Variants in PCNX1 observed in about 807,000 individuals in gnomAD.
PCNX1 encodes pecanex 1, also known as pecanex-like protein 1.
PCNX1 carries 78 observed loss-of-function variants against 242.2 expected under a neutral mutation model. The observed-to-expected ratio is 0.32, with a 90% CI of 0.27 to 0.39. The LOEUF (loss-of-function observed/expected upper bound fraction) is 0.39, where lower values mean the gene tolerates loss of function less well. Ranked by LOEUF, PCNX1 falls within the 10% of genes least tolerant of loss-of-function variation. The probability of loss-of-function intolerance (pLI) is 1.00; values close to 1 mark genes in which losing one functional copy is unlikely to be tolerated. For synonymous variants in PCNX1, 1,024 were observed against 1,032.9 expected (o/e 0.99, Z 0.17); for missense variants, 2,581 against 2,856.5 (o/e 0.90, Z 2.20).
rs1480160278 is a variant in PCNX1, at chr14:71,050,644, T to C, written c.4339-8T>C. 4 of 1,564,066 alleles carry C rather than the reference T, an allele frequency of 2.6e-6. No homozygotes were observed. The highest frequency in any genetic ancestry group is 2.6e-6 in the Non-Finnish European group (3 of 1,157,328). The stretch of plus-strand genomic sequence containing the variant: ...TTTTTACTGACAGCCATTCTTTTCC[T>C]CCTGCAGCTTTGGGAACTACTTTAT... On this transcript the variant is annotated splice_region_variant and splice_polypyrimidine_tract_variant and intron_variant, in intron 22 of 35. Coordinates refer to ENST00000304743, the MANE Select transcript of PCNX1 (RefSeq NM_014982.3).
rs759443723 is a variant in PCNX1 at position 71,009,625 on chromosome 14, A to G, written c.2630-9A>G. 2 of 1,479,210 alleles carry G rather than the reference A, an allele frequency of 1.4e-6. No individual in the cohort carries two copies. The highest frequency in any genetic ancestry group is 1.9e-5 in the Admixed American group (1 of 53,880). 91.6% of individuals were successfully genotyped at this position (1,479,210 alleles called of 1,614,324 possible). ...TAATGGCTTTTTAAAATAATCATTTATTTGCTAGGTAAGTTCTCTTCTACG... is the reference window on the plus strand; with the variant it reads ...TAATGGCTTTTTAAAATAATCATTTGTTTGCTAGGTAAGTTCTCTTCTACG... On this transcript the variant is annotated splice_polypyrimidine_tract_variant and intron_variant, in intron 8 of 35. Coordinates refer to ENST00000304743, the MANE Select transcript of PCNX1 (RefSeq NM_014982.3).
chr14:70,955,151 T>C (rs1477274742), intron 2 of PCNX1, among the ~76,000 whole-genome samples: 2 of 152,242 alleles, frequency 1.3e-5, no homozygotes, highest in Non-Finnish European at 2.9e-5. Flanking sequence ...ATTTTTTTTA[T>C]ATTTCTAATG....
At chr14:71,061,256 T>C (rs2061318649) in intron 26 of PCNX1, among the ~76,000 whole-genome samples, 1 of 152,182 alleles carries the variant, frequency 6.6e-6, no homozygotes, top group African/African-American at 2.4e-5. Context: ...CCTTCAAGCT[T>C]ATCACTAAGC....
intron 15 of PCNX1, among the ~76,000 whole-genome samples, chr14:71,027,794 G>A (rs2060277361): frequency 6.6e-6 from 1 of 151,868 alleles, no homozygotes; most frequent in Non-Finnish European, 1.5e-5. Context: ...TATGAATTAA[G>A]ACAGAACTGG....
At chr14:70,998,274 G>A (rs773574748) in intron 8 of PCNX1, among the ~76,000 whole-genome samples, 4 of 151,692 alleles carry the variant, frequency 2.6e-5, no homozygotes, top group Non-Finnish European at 4.4e-5. Flanking sequence ...TATTTCTCTG[G>A]CATTTTAAGG....
At chr14:71,106,207 C>T (rs1044332645) in intron 33 of PCNX1, among the ~76,000 whole-genome samples, 6 of 151,468 alleles carry the variant, frequency 4.0e-5, no homozygotes, top group Admixed American at 2.6e-4. Flanking sequence ...TTCGTAGAGA[C>T]GAGGTTTCAA....
At chr14:70,956,236 A>G (rs1039841070) in intron 2 of PCNX1, among the ~76,000 whole-genome samples, 1 of 152,142 alleles carries the variant, frequency 6.6e-6, no homozygotes, top group African/African-American at 2.4e-5. Context: ...GGTGTAAGGC[A>G]GTATGTTTTC....
rs2062709632 is a variant in PCNX1, at chr14:71,109,447, T to C, written c.6745-5T>C. The C allele has an allele frequency of 6.2e-7, 1 of 1,608,232 alleles. No individual in the cohort carries two copies. The highest frequency in any genetic ancestry group is 8.5e-7 in the Non-Finnish European group (1 of 1,177,072). ...GAATTGGAAATGTTTTTATTTACCA[T>C]GTAGATTGTGGATCCCAGTCAAATT... On this transcript the variant is annotated splice_polypyrimidine_tract_variant and splice_region_variant and intron_variant, in intron 34 of 35. Transcript: ENST00000304743.
Position 71,109,783 on chromosome 14 carries a change from C to A in PCNX1, c.6886-12C>A. 6.2e-7 allele frequency: 1 copy of A among 1,612,882 alleles called. No homozygotes were observed. Among genetic ancestry groups the A allele is most frequent in the Non-Finnish European group, 8.5e-7 (1 of 1,178,982 alleles). On this transcript the variant is annotated splice_polypyrimidine_tract_variant and intron_variant, in intron 35 of 35. Coordinates refer to ENST00000304743, the MANE Select transcript of PCNX1 (RefSeq NM_014982.3). ...TCCAGTGCTAACTTCTTGTTTTATT[C>A]TGAATCATTAGGTGATTCACCGATG...
chr14:70,979,113 T>C (rs574440493), intron 6 of PCNX1, among the ~76,000 whole-genome samples: 2 of 152,194 alleles, frequency 1.3e-5, no homozygotes, highest in Non-Finnish European at 2.9e-5. Flanking sequence ...TAGATCTGAT[T>C]ATGTACATTG....
intron 35 of PCNX1, 64 bp downstream of exon 35, chr14:71,109,656 T>G: frequency 6.3e-7 from 1 of 1,596,736 alleles, no homozygotes; most frequent in South Asian, 1.1e-5. Flanking sequence ...CTCACTTGGA[T>G]GCATGGTTTT....
intron 1 of PCNX1, among the ~76,000 whole-genome samples, chr14:70,933,727 T>C (rs2056891091): frequency 6.6e-6 from 1 of 152,186 alleles, no homozygotes; most frequent in Admixed American, 6.5e-5. Flanking sequence ...AGAAGAATAA[T>C]AGAGCCATGA....
At chr14:70,932,246 A>G (rs779891896) in intron 1 of PCNX1, among the ~76,000 whole-genome samples, 1 of 152,256 alleles carries the variant, frequency 6.6e-6, no homozygotes. Flanking sequence ...CATATAAGGC[A>G]GCAAAGGACA....
chr14:71,062,236 G>A (rs2061342979), intron 26 of PCNX1, among the ~76,000 whole-genome samples: 1 of 152,154 alleles, frequency 6.6e-6, no homozygotes, highest in Admixed American at 6.6e-5. Context: ...TGTCATAGGA[G>A]ATGGCAGCTC....
rs781088581 is a variant in PCNX1 at position 70,978,005 on chromosome 14, C to G, written c.1668C>G (p.Ala556=). 1 of 1,614,088 alleles carries G rather than the reference C, an allele frequency of 6.2e-7. No individual in the cohort carries two copies. Among genetic ancestry groups the G allele is most frequent in the Non-Finnish European group, 8.5e-7 (1 of 1,180,012 alleles). The part of the protein sequence containing the change: ...SSSVIHRTAS[A]HKSGRRRTGK... ...GCGTAATCCATCGGACAGCTTCTGC[C>G]CACAAGTCAGGCAGGAGACGCACAG... The change falls in exon 6 of 36, where the codon GCC becomes GCG. Residue 556 remains alanine (A), a synonymous_variant. Coordinates refer to ENST00000304743, the MANE Select transcript of PCNX1 (RefSeq NM_014982.3).
At chr14:71,045,503 A>G (rs1272102176) in intron 20 of PCNX1, among the ~76,000 whole-genome samples, 1 of 152,128 alleles carries the variant, frequency 6.6e-6, no homozygotes, top group Non-Finnish European at 1.5e-5. Context: ...CACAGAAGAA[A>G]CTTACTTCTC....
chr14:71,042,298 G>C (rs1453703803), intron 19 of PCNX1, among the ~76,000 whole-genome samples: 1 of 152,000 alleles, frequency 6.6e-6, no homozygotes, highest in East Asian at 1.9e-4. Context: ...ACTCTATTGG[G>C]GTCTATCTCA....
rs376917896 is a variant in PCNX1, at chr14:71,034,086, T to C, written c.3774+50T>C. On this transcript the variant is annotated intron_variant, in intron 18 of 35. Coordinates refer to ENST00000304743, the MANE Select transcript of PCNX1 (RefSeq NM_014982.3). ...CTAAAAGACTTAAATCTTAGACAGT[T>C]GATCATGTTATATGAGGAACACTTT... The C allele has an allele frequency of 5.7e-5, 56 of 985,356 alleles. 1 individual carries two copies. The South Asian group carries it at 6.9e-4, about 12-fold the overall frequency. The allele number at this position is 985,356 out of a possible 1,614,324, so 61.0% of individuals were successfully genotyped here.
chr14:70,961,726 A>T (rs906064272), intron 2 of PCNX1, among the ~76,000 whole-genome samples: 3 of 152,216 alleles, frequency 2.0e-5, no homozygotes, highest in Non-Finnish European at 2.9e-5. Context: ...AAGAATACAG[A>T]TACAAATAGC....
Sources: allele counts gnomAD v4.1 joint callset (sites outside exome capture counted in the v4.1 genomes callset), GRCh38; gene constraint gnomAD v4.1.1; transcripts MANE v1.5; gene names NCBI Gene and HGNC (gene_info 2026-07-23, HGNC 2026-07-21).